Variants in SORCS2 observed in about 807,000 individuals in gnomAD.
SORCS2 encodes the protein sortilin related VPS10 domain containing receptor 2.
SORCS2 carries 100 observed loss-of-function variants against 141.6 expected under a neutral mutation model. The observed-to-expected ratio is 0.71, with a 90% CI of 0.60 to 0.83. The LOEUF (loss-of-function observed/expected upper bound fraction) is 0.83. Ranked by LOEUF, SORCS2 falls within the 40% of genes least tolerant of loss-of-function variation. SORCS2 has a pLI of 0.00. For synonymous variants in SORCS2, 789 were observed against 676.9 expected (o/e 1.17, Z -2.57); for missense variants, 1,646 against 1,560.2 (o/e 1.05, Z -0.93).
At chr4:7,540,193 T>TG (rs1180274149) in intron 3 of SORCS2, among the ~76,000 whole-genome samples, 1 of 63,246 alleles carries the variant, frequency 1.6e-5, no homozygotes, top group South Asian at 7.1e-4. Flanking sequence ...TCCCTGCCCC[T>TG]CCCTGCCCCT....
chr4:7,206,972 G>A (rs1227942509), intron 1 of SORCS2, among the ~76,000 whole-genome samples: 1 of 152,158 alleles, frequency 6.6e-6, no homozygotes, highest in Non-Finnish European at 1.5e-5. Context: ...TGGGCTTTCT[G>A]ACGGAAATGA....
At chr4:7,390,877 C>G (rs184291590) in intron 1 of SORCS2, among the ~76,000 whole-genome samples, 2 of 152,156 alleles carry the variant, frequency 1.3e-5, no homozygotes, top group African/African-American at 4.8e-5. Flanking sequence ...AGGCATCGAT[C>G]GGCTCTAGTT....
chr4:7,222,093 C>T (rs952337022), intron 1 of SORCS2, among the ~76,000 whole-genome samples: 3 of 152,104 alleles, frequency 2.0e-5, no homozygotes, highest in African/African-American at 7.2e-5. Flanking sequence ...TTTGGGACCT[C>T]AGATGATGGA....
chr4:7,515,727 G>A (rs1732934846), intron 2 of SORCS2, among the ~76,000 whole-genome samples: 1 of 152,242 alleles, frequency 6.6e-6, no homozygotes, highest in South Asian at 2.1e-4. Context: ...GTGGGGCTCA[G>A]TCTGTTTCAT....
At chr4:7,329,465 G>T (rs1054601386) in intron 1 of SORCS2, among the ~76,000 whole-genome samples, 1 of 152,178 alleles carries the variant, frequency 6.6e-6, no homozygotes, top group Non-Finnish European at 1.5e-5. Flanking sequence ...GTGCCGCTGA[G>T]GGGGTCCCCT....
chr4:7,452,118 A>G (rs13141334), intron 2 of SORCS2, among the ~76,000 whole-genome samples: 122,429 of 151,454 alleles, frequency 0.81, 49,980 homozygotes, highest in East Asian at 0.87. Context: ...CACAGCTCCC[A>G]CTCTGCCTTC....
In SORCS2 at chr4:7,664,298, C is replaced by T. The variant is rs1025282525; in HGVS notation, c.953-55C>T. On this transcript the variant is annotated intron_variant, in intron 6 of 26. Transcript: ENST00000507866. This position sits in a 1 kb window ranked among gnomAD's most constrained non-coding sequence, Gnocchi z 4.7. The stretch of plus-strand genomic sequence containing the variant: ...ATGGAGTCCAGCACATGTCTCGGGC[C>T]GTCTCTGGCTCCGGCTGGAGTCTGA... The T allele has an allele frequency of 1.5e-5, 21 of 1,441,112 alleles. No individual in the cohort carries two copies. The highest frequency in any genetic ancestry group is 4.2e-5 in the African/African-American group (3 of 71,148). The allele number at this position is 1,441,112 out of a possible 1,614,324, so 89.3% of individuals were successfully genotyped here. A position where few individuals can be genotyped will look rare whatever the true frequency, so the allele number is the denominator to read the frequency against.
In SORCS2 at chr4:7,729,641, A is replaced by C; in HGVS notation, c.3037A>C (p.Thr1013Pro). ...GACTGTGGTGAAGCCGGGGCTGCCC[A>C]CTTTGGCCGATCTGTACGTGCTCCT... ...LVTVVKPGLP[T>P]LADLYVLLPP... The change falls in exon 23 of 27, where the codon ACT becomes CCT. Residue 1013 changes from threonine to proline, a missense_variant. Transcript: ENST00000507866. 1 of 1,601,046 alleles carries C rather than the reference A, an allele frequency of 6.2e-7. No individual in the cohort carries two copies. The highest frequency in any genetic ancestry group is 8.5e-7 in the Non-Finnish European group (1 of 1,174,038).
At chr4:7,418,153 C>T (rs151127585) in intron 2 of SORCS2, among the ~76,000 whole-genome samples, 21 of 152,248 alleles carry the variant, frequency 1.4e-4, no homozygotes, top group Non-Finnish European at 2.5e-4. Flanking sequence ...TTTTTCTGAG[C>T]GCTCAGCACA....
intron 1 of SORCS2, among the ~76,000 whole-genome samples, chr4:7,212,513 A>G (rs2108886722): frequency 6.6e-6 from 1 of 152,296 alleles, no homozygotes; most frequent in African/African-American, 2.4e-5. Flanking sequence ...TAACATAGGC[A>G]CCAGGCTTGG....
chr4:7,600,993 C>T (rs1336935515), intron 3 of SORCS2, among the ~76,000 whole-genome samples: 4 of 152,234 alleles, frequency 2.6e-5, no homozygotes, highest in Non-Finnish European at 5.9e-5. Context: ...TCAAGTGATC[C>T]TCCTGCCTCA....
intron 25 of SORCS2, among the ~76,000 whole-genome samples, chr4:7,734,829 C>T (rs896322481): frequency 4.6e-5 from 7 of 152,212 alleles, no homozygotes; most frequent in Admixed American, 1.3e-4. Context: ...TCCCTCCCCT[C>T]GAGAGCACTT....
intron 1 of SORCS2, among the ~76,000 whole-genome samples, chr4:7,294,879 A>C (rs1413868314): frequency 3.2e-4 from 1 of 3,106 alleles, no homozygotes. Context: ...TCCCCAGCTC[A>C]TTCCTCTCCC....
At position 7,322,348 on chromosome 4, in the gene SORCS2, GAC is replaced by G. The variant is rs531661300; in HGVS notation, c.481-73936_481-73935del. Among the ~76,000 whole-genome samples the G allele has an allele frequency of 7.8e-3, 1,181 of 152,302 alleles. 5 individuals carry two copies. Among genetic ancestry groups the G allele is most frequent in the Non-Finnish European group, 0.013 (877 of 68,006 alleles). On this transcript the variant is annotated intron_variant, in intron 1 of 26. Coordinates refer to ENST00000507866, the MANE Select transcript of SORCS2 (RefSeq NM_020777.3). The stretch of plus-strand genomic sequence containing the variant: ...CCCTGGCATGCAGCTGCTGTCTCTG[GAC>G]ACAATGTGCTCCCTCTATCTGCCTC...
At chr4:7,482,761 G>C (rs1730729218) in intron 2 of SORCS2, among the ~76,000 whole-genome samples, 1 of 137,458 alleles carries the variant, frequency 7.3e-6, no homozygotes, top group Non-Finnish European at 1.5e-5. Flanking sequence ...ACGCTGTTCA[G>C]ACCTGTATCC....
At chr4:7,576,484 T>C (rs1715760791) in intron 3 of SORCS2, among the ~76,000 whole-genome samples, 1 of 152,150 alleles carries the variant, frequency 6.6e-6, no homozygotes, top group Non-Finnish European at 1.5e-5. Context: ...CCAAGCCCTG[T>C]GGGACTGAGA....
intron 13 of SORCS2, among the ~76,000 whole-genome samples, chr4:7,703,741 C>T (rs534954021): frequency 5.3e-5 from 8 of 151,564 alleles, no homozygotes; most frequent in East Asian, 3.9e-4. Context: ...AGCTGAAGGC[C>T]GTCGTGGGGA....
chr4:7,440,431 C>T (rs1280520596), intron 2 of SORCS2, among the ~76,000 whole-genome samples: 3 of 152,276 alleles, frequency 2.0e-5, no homozygotes, highest in Non-Finnish European at 4.4e-5. Context: ...ATTTCTGAGG[C>T]TTTGGCCCTT....
intron 13 of SORCS2, 108 bp from the exon 14 acceptor site, chr4:7,704,069 G>A (rs28706846): frequency 0.11 from 95,545 of 869,350 alleles, 5,783 homozygotes; most frequent in African/African-American, 0.18. Context: ...CACTGGCAAG[G>A]TTGGCTAGTG....
Sources: allele counts gnomAD v4.1 joint callset (sites outside exome capture counted in the v4.1 genomes callset), GRCh38; gene constraint gnomAD v4.1.1; non-coding constraint Gnocchi (gnomAD v3.1); transcripts MANE v1.5; gene names NCBI Gene and HGNC (gene_info 2026-07-23, HGNC 2026-07-21).